Variants in PCDH9 observed in about 807,000 individuals in gnomAD.
PCDH9 encodes the protein protocadherin 9.
A neutral mutation model predicts 70.6 loss-of-function variants in PCDH9; 24 were observed. The observed-to-expected ratio is 0.34, with a 90% CI of 0.25 to 0.48. The LOEUF is 0.48. PCDH9 is among the 20% of genes least tolerant of loss of function. The pLI, the probability that PCDH9 is intolerant of heterozygous loss-of-function variation, is 0.99. For missense variants in PCDH9, 1,281 were observed against 1,503.6 expected, an observed-to-expected ratio of 0.85 and a Z score of 2.45; for synonymous variants, 562 against 558.5, an observed-to-expected ratio of 1.01 and a Z score of -0.09.
At chr13:67,074,738 T>G (rs2085843590) in intron 2 of PCDH9, among the ~76,000 whole-genome samples, 2 of 152,152 alleles carry the variant, frequency 1.3e-5, no homozygotes, top group South Asian at 4.1e-4. Context: ...TGTTGCCTAA[T>G]GTGTTTTAAT....
At chr13:67,079,342 T>C (rs1282990138) in intron 2 of PCDH9, among the ~76,000 whole-genome samples, 1 of 150,932 alleles carries the variant, frequency 6.6e-6, no homozygotes, top group South Asian at 2.1e-4. Flanking sequence ...TGTGAAATAA[T>C]ATAAAACTAC....
chr13:66,811,597 TCCTA>T (rs150613329), intron 3 of PCDH9, among the ~76,000 whole-genome samples: 2,160 of 141,762 alleles, frequency 0.015, 70 homozygotes, highest in African/African-American at 0.055. Flanking sequence ...CTTTCTTCCT[TCCTA>T]CCTGTCTGCC....
At chr13:66,928,394 A>G (rs1019175737) in intron 2 of PCDH9, among the ~76,000 whole-genome samples, 3 of 152,152 alleles carry the variant, frequency 2.0e-5, no homozygotes, top group South Asian at 2.1e-4. Context: ...TCTCACAACA[A>G]TACACAAGGT....
At chr13:66,388,147 T>C (rs1956961042) in intron 4 of PCDH9, among the ~76,000 whole-genome samples, 1 of 152,190 alleles carries the variant, frequency 6.6e-6, no homozygotes, top group Non-Finnish European at 1.5e-5. Context: ...CCACTCAAAG[T>C]AAAGATATAT....
At chr13:67,038,420 T>A (rs778989080) in intron 2 of PCDH9, among the ~76,000 whole-genome samples, 14 of 152,192 alleles carry the variant, frequency 9.2e-5, no homozygotes, top group Non-Finnish European at 1.5e-4. Context: ...AAATACCATA[T>A]AAATACAGTC....
Position 66,636,502 on chromosome 13 carries a change from AC to A in PCDH9, c.3139-5092del, listed in dbSNP as rs577981520. Among the ~76,000 whole-genome samples the A allele has an allele frequency of 5.9e-5, 9 of 152,222 alleles. No homozygotes were observed. In the East Asian group the frequency reaches 1.5e-3, roughly 26 times the overall value. Reference sequence around the variant, plus strand: ...AAGCCAATTATTACCAACTAAATAAACCAATTATCTAATTAATGACAGACAT... The same window carrying A: ...AAGCCAATTATTACCAACTAAATAAACAATTATCTAATTAATGACAGACAT... On this transcript the variant is annotated intron_variant, in intron 3 of 4. Coordinates refer to ENST00000377865, the MANE Select transcript of PCDH9 (RefSeq NM_203487.3).
chr13:66,690,308 A>G (rs1050685809), intron 3 of PCDH9, among the ~76,000 whole-genome samples: 1 of 152,210 alleles, frequency 6.6e-6, no homozygotes, highest in Non-Finnish European at 1.5e-5. Flanking sequence ...ATAGGCAAAT[A>G]TAGAATTGTC....
intron 3 of PCDH9, among the ~76,000 whole-genome samples, chr13:66,786,219 C>T (rs1227054921): frequency 4.6e-5 from 7 of 152,124 alleles, no homozygotes; most frequent in Admixed American, 6.5e-5. Context: ...TTTACCTATG[C>T]TACATACAGC....
intron 2 of PCDH9, chr13:67,215,299 ATTCAG>A (rs1316317094): frequency 6.6e-6 from 1 of 151,930 alleles, no homozygotes; most frequent in African/African-American, 2.4e-5. Flanking sequence ...ATTAATCACT[ATTCAG>A]TTATTATTTT....
chr13:66,843,056 T>G (rs2081143084), intron 3 of PCDH9, among the ~76,000 whole-genome samples: 1 of 152,134 alleles, frequency 6.6e-6, no homozygotes, highest in Non-Finnish European at 1.5e-5. Context: ...AGGAAGAAAA[T>G]CAATTACTAT....
Position 66,394,720 on chromosome 13 carries a change from A to G in PCDH9, c.3341-89692T>C, listed in dbSNP as rs191558578. Among the ~76,000 whole-genome samples the G allele has an allele frequency of 2.6e-4, 39 of 152,326 alleles. No homozygotes were observed. In the East Asian group the frequency reaches 6.2e-3, roughly 24 times the overall value. On this transcript the variant is annotated intron_variant, in intron 4 of 4. Coordinates refer to ENST00000377865, the MANE Select transcript of PCDH9 (RefSeq NM_203487.3). ...GTTAAAGACAAAATGTAATTAATAT[A>G]CAATTTTAAGGAACAAACAAGATAA...
At chr13:66,660,682 T>C (rs2077995935) in intron 3 of PCDH9, among the ~76,000 whole-genome samples, 1 of 152,162 alleles carries the variant, frequency 6.6e-6, no homozygotes, top group East Asian at 1.9e-4. Context: ...ATACTATTAG[T>C]AGTACATTAT....
intron 3 of PCDH9, among the ~76,000 whole-genome samples, chr13:66,784,040 CT>C (rs1394371114): frequency 3.3e-5 from 5 of 152,022 alleles, no homozygotes; most frequent in Non-Finnish European, 7.4e-5. Context: ...TATACATCAA[CT>C]TCATTAAGGA....
rs1288952128 is a variant in PCDH9 at position 66,504,725 on chromosome 13, A to G, written c.3340+126485T>C. On this transcript the variant is annotated intron_variant, in intron 4 of 4. Coordinates refer to ENST00000377865, the MANE Select transcript of PCDH9 (RefSeq NM_203487.3). The stretch of plus-strand genomic sequence containing the variant: ...TCAGTAAATACATGTGGGAATGGTG[A>G]CTGGATAAAGGGGTGGATTGATGAA... Among the ~76,000 whole-genome samples, 7 of 152,204 alleles carry G rather than the reference A, an allele frequency of 4.6e-5. No homozygotes were observed. In the East Asian group the frequency reaches 1.4e-3, roughly 29 times the overall value.
chr13:66,935,210 A>T (rs1379928903), intron 2 of PCDH9, among the ~76,000 whole-genome samples: 1 of 151,904 alleles, frequency 6.6e-6, no homozygotes. Context: ...ACAGGCATGC[A>T]CCATGCCTGA....
chr13:66,847,891 C>T (rs2081240364), intron 3 of PCDH9, among the ~76,000 whole-genome samples: 1 of 152,106 alleles, frequency 6.6e-6, no homozygotes, highest in Non-Finnish European at 1.5e-5. Context: ...TTGTTTATTT[C>T]CAAAATTTTC....
intron 3 of PCDH9, among the ~76,000 whole-genome samples, chr13:66,804,107 T>C (rs2080372455): frequency 6.6e-6 from 1 of 152,214 alleles, no homozygotes; most frequent in Non-Finnish European, 1.5e-5. Context: ...TATGTGACTC[T>C]ACTGTTTTCA....
chr13:66,808,072 A>G (rs150753370), intron 3 of PCDH9, among the ~76,000 whole-genome samples: 26 of 152,228 alleles, frequency 1.7e-4, no homozygotes, highest in Admixed American at 2.6e-4. Flanking sequence ...TTCCCCTTCA[A>G]TTTGCATCTG....
intron 2 of PCDH9, among the ~76,000 whole-genome samples, chr13:66,943,611 T>C (rs184916371): frequency 9.9e-5 from 15 of 152,236 alleles, no homozygotes; most frequent in East Asian, 9.6e-4. Flanking sequence ...AAATTGACTA[T>C]AGACGTGTCA....
Sources: allele counts gnomAD v4.1 joint callset (sites outside exome capture counted in the v4.1 genomes callset), GRCh38; gene constraint gnomAD v4.1.1; transcripts MANE v1.5; gene names NCBI Gene and HGNC (gene_info 2026-07-23, HGNC 2026-07-21).